CNDP1: variants seen among roughly 807,000 people sequenced by gnomAD.
CNDP1 encodes carnosine dipeptidase 1, also known as beta-Ala-His dipeptidase.
In CNDP1, 44 loss-of-function variants were observed where a neutral mutation model predicts 58.1. The observed-to-expected ratio is 0.76, with a 90% CI of 0.60 to 0.97. The LOEUF is 0.97. CNDP1 is among the 50% of genes least tolerant of loss of function. CNDP1 has a pLI of 0.00. For missense variants in CNDP1, 616 were observed against 655.1 expected, an observed-to-expected ratio of 0.94 and a Z score of 0.65; for synonymous variants, 254 against 252.6, an observed-to-expected ratio of 1.01 and a Z score of -0.05.
intron 6 of CNDP1, among the ~76,000 whole-genome samples, chr18:74,570,242 T>A (rs1981444233): frequency 6.9e-6 from 1 of 145,896 alleles, no homozygotes; most frequent in Non-Finnish European, 1.5e-5. Context: ...AATAAATAAT[T>A]AAAAAAAAAG....
chr18:74,549,836 T>C (rs1176781238), intron 1 of CNDP1, among the ~76,000 whole-genome samples: 1 of 152,120 alleles, frequency 6.6e-6, no homozygotes, highest in Non-Finnish European at 1.5e-5. Flanking sequence ...CTCAGAAGGC[T>C]CCAGTTGTGG....
intron 1 of CNDP1, among the ~76,000 whole-genome samples, chr18:74,546,338 G>C (rs1980759652): frequency 1.3e-5 from 2 of 152,122 alleles, no homozygotes; most frequent in Admixed American, 1.3e-4. Flanking sequence ...GACACTGCGA[G>C]CTTTCTCTTC....
chr18:74,577,207 G>A, intron 8 of CNDP1, 178 bp downstream of exon 8: 1 of 506,298 alleles, frequency 2.0e-6, no homozygotes, highest in Non-Finnish European at 3.3e-6. Flanking sequence ...GGATCAACCA[G>A]TCCTTTTTCA....
chr18:74,562,016 T>C (rs890789122), intron 4 of CNDP1, 31 bp from the exon 5 acceptor site: 20 of 1,583,306 alleles, frequency 1.3e-5, no homozygotes, highest in Non-Finnish European at 1.6e-5. Flanking sequence ...GTGTCCACAC[T>C]TCTCTGAACA....
chr18:74,563,055 C>T (rs749795461), intron 5 of CNDP1, among the ~76,000 whole-genome samples: 5 of 152,216 alleles, frequency 3.3e-5, no homozygotes, highest in Non-Finnish European at 7.3e-5. Flanking sequence ...CTCCCTGGCA[C>T]CCTGTCCTGC....
At chr18:74,538,929 T>C (rs1012175765) in intron 1 of CNDP1, among the ~76,000 whole-genome samples, 6 of 152,134 alleles carry the variant, frequency 3.9e-5, no homozygotes, top group African/African-American at 1.4e-4. Context: ...AAAGTCTCCC[T>C]AGATTTTTCT....
At chr18:74,536,457 A>C (rs1980488585) in intron 1 of CNDP1, among the ~76,000 whole-genome samples, 2 of 152,246 alleles carry the variant, frequency 1.3e-5, no homozygotes, top group Admixed American at 1.3e-4. Flanking sequence ...ATATTCCTGC[A>C]AAGGACATGA....
In CNDP1 at chr18:74,587,126, G is replaced by A. The variant is rs958934924; in HGVS notation, c.*2564G>A. 1 of 152,184 alleles carries A rather than the reference G, an allele frequency of 6.6e-6. No homozygotes were observed. The highest frequency in any genetic ancestry group is 2.4e-5 in the African/African-American group (1 of 41,434). The allele number at this position is 152,184 out of a possible 1,614,324, so 9.4% of individuals were successfully genotyped here. On this transcript the variant is annotated 3_prime_UTR_variant, in exon 12 of 12. Transcript: ENST00000358821. Reference sequence around the variant, plus strand: ...GGGTTAGGAATATCATTTGAGTTTGGTAGATGCTTTTCTGGAAAACAATGA... The same window carrying A: ...GGGTTAGGAATATCATTTGAGTTTGATAGATGCTTTTCTGGAAAACAATGA...
At chr18:74,584,360 G>T in intron 11 of CNDP1, 136 bp from the exon 12 acceptor site, 1 of 632,360 alleles carries the variant, frequency 1.6e-6, no homozygotes, top group South Asian at 1.9e-5. Context: ...TTTCATACTG[G>T]GATCTCAGAA....
chr18:74,573,432 C>CCATTCATCCATCCATCCATCTATT (rs1295629095), intron 7 of CNDP1, among the ~76,000 whole-genome samples: 22 of 144,536 alleles, frequency 1.5e-4, no homozygotes, highest in African/African-American at 5.7e-4. Flanking sequence ...ATCCATCCAA[C>CCATTCATCCATCCATCCATCTATT]TATCTATCTA....
chr18:74,571,436 G>C (rs528737516), intron 7 of CNDP1, among the ~76,000 whole-genome samples, 166 bp downstream of exon 7: 77 of 152,274 alleles, frequency 5.1e-4, no homozygotes, highest in African/African-American at 1.8e-3. Context: ...TTATAAGTAA[G>C]TCTGCATTAT....
At chr18:74,574,298 T>C (rs1981573279) in intron 7 of CNDP1, among the ~76,000 whole-genome samples, 1 of 152,212 alleles carries the variant, frequency 6.6e-6, no homozygotes. Flanking sequence ...CCAAGTTAGT[T>C]CCCTGTCTGA....
intron 7 of CNDP1, among the ~76,000 whole-genome samples, chr18:74,575,867 ATTTTTTTT>A (rs34962477): frequency 2.1e-5 from 2 of 94,774 alleles, no homozygotes; most frequent in African/African-American, 8.6e-5. Context: ...GTGTGTATAC[ATTTTTTTT>A]TTTTTTTTTT....
At chr18:74,559,524 C>A in intron 3 of CNDP1, 52 bp downstream of exon 3, 2 of 1,552,134 alleles carry the variant, frequency 1.3e-6, no homozygotes, top group South Asian at 2.3e-5. Context: ...AGACGTCAGT[C>A]ATGCCTTCCC....
chr18:74,546,716 C>T (rs1980769660), intron 1 of CNDP1, among the ~76,000 whole-genome samples: 1 of 152,222 alleles, frequency 6.6e-6, no homozygotes, highest in South Asian at 2.1e-4. Flanking sequence ...TCAATTCCTC[C>T]TCCATCCCCT....
Position 74,567,262 on chromosome 18 carries a change from T to A in CNDP1, c.585T>A (p.Ile195=). ...TTCCTGTGAATATCAAATTCATCAT[T>A]GAGGGGATGGAAGAGGCTGGCTCTG... is the stretch of plus-strand genomic sequence containing the variant. ...QDLPVNIKFI[I]EGMEEAGSVA... Residue 195 remains isoleucine, a synonymous_variant, in exon 6 of 12, where the codon ATT becomes ATA. Coordinates refer to ENST00000358821, the MANE Select transcript of CNDP1 (RefSeq NM_032649.6). 6.2e-7 allele frequency: 1 copy of A among 1,614,174 alleles called. No individual in the cohort carries two copies. The highest frequency in any genetic ancestry group is 2.2e-5 in the East Asian group (1 of 44,886).
At chr18:74,551,443 A>G (rs985818581) in intron 1 of CNDP1, among the ~76,000 whole-genome samples, 1 of 152,070 alleles carries the variant, frequency 6.6e-6, no homozygotes, top group Non-Finnish European at 1.5e-5. Context: ...ATGGAGTCTC[A>G]GATCCCACTC....
rs894143688 is a variant in CNDP1 at position 74,585,156 on chromosome 18, C to T, written c.*594C>T. ...AAGCTGAAATGATCAATATTCATAC[C>T]CATATGCCATTTGGGAGTCCTTGTG... On this transcript the variant is annotated 3_prime_UTR_variant, in exon 12 of 12. Coordinates refer to ENST00000358821, the MANE Select transcript of CNDP1 (RefSeq NM_032649.6). The T allele has an allele frequency of 6.6e-6, 1 of 152,184 alleles. No individual in the cohort carries two copies. The highest frequency in any genetic ancestry group is 2.4e-5 in the African/African-American group (1 of 41,422). 9.4% of individuals were successfully genotyped at this position (152,184 alleles called of 1,614,324 possible). A position where few individuals can be genotyped will look rare whatever the true frequency, so the allele number is the denominator to read the frequency against.
chr18:74,580,559 T>A (rs1379509497), intron 10 of CNDP1, among the ~76,000 whole-genome samples: 1 of 152,236 alleles, frequency 6.6e-6, no homozygotes, highest in African/African-American at 2.4e-5. Flanking sequence ...TGTGTTCAAA[T>A]TTAAGTCTGG....
Sources: allele counts gnomAD v4.1 joint callset (sites outside exome capture counted in the v4.1 genomes callset), GRCh38; gene constraint gnomAD v4.1.1; transcripts MANE v1.5; gene names NCBI Gene and HGNC (gene_info 2026-07-23, HGNC 2026-07-21).